The following HOTAIR variants were observed in gnomAD, a reference collection of about 807,000 sequenced individuals.
HOTAIR encodes HOX transcript antisense RNA (non-protein coding).
At chr12:53,964,899 T>C (rs994662081) in intron 5 of HOTAIR, among the ~76,000 whole-genome samples, 1 of 152,204 alleles carries the variant, frequency 6.6e-6, no homozygotes, top group African/African-American at 2.4e-5. Flanking sequence ...TTCCAGGATA[T>C]TTGCTTGGCT....
chr12:53,965,517 G>T (rs539452646), intron 5 of HOTAIR, among the ~76,000 whole-genome samples: 3 of 152,370 alleles, frequency 2.0e-5, no homozygotes, highest in African/African-American at 7.2e-5. Context: ...GGCTGTGAAG[G>T]CCAGTTCAGG....
chr12:53,974,406 C>G (rs895952530), intron 1 of HOTAIR, among the ~76,000 whole-genome samples: 23 of 152,108 alleles, frequency 1.5e-4, no homozygotes, highest in Admixed American at 8.5e-4. Context: ...AGCAATGGAG[C>G]AGAACCTGAG....
At chr12:53,966,945 T>G (rs969804667) in intron 3 of HOTAIR, among the ~76,000 whole-genome samples, 1 of 152,170 alleles carries the variant, frequency 6.6e-6, no homozygotes, top group African/African-American at 2.4e-5. Flanking sequence ...CCTTGATCCT[T>G]TTCCTCCAGG....
At chr12:53,963,466 G>GA (rs1352275715) in exon 7 of HOTAIR, 1 of 152,230 alleles carries the variant, frequency 6.6e-6, no homozygotes, top group Non-Finnish European at 1.5e-5. Flanking sequence ...TTTGCCTATG[G>GA]AAAAATTATT....
intron 1 of HOTAIR, among the ~76,000 whole-genome samples, chr12:53,972,041 G>C (rs962307583): frequency 2.6e-5 from 4 of 152,216 alleles, no homozygotes; most frequent in African/African-American, 7.2e-5. Flanking sequence ...CCTTTCCACT[G>C]TCTGGTTAGT....
At chr12:53,970,381 G>A (rs1939129403) in intron 1 of HOTAIR, among the ~76,000 whole-genome samples, 1 of 152,210 alleles carries the variant, frequency 6.6e-6, no homozygotes, top group African/African-American at 2.4e-5. Flanking sequence ...CTCAGCTGAA[G>A]CGTCCAGGTA....
intron 2 of HOTAIR, among the ~76,000 whole-genome samples, chr12:53,967,832 A>G (rs992566793): frequency 1.9e-4 from 29 of 152,178 alleles, no homozygotes; most frequent in African/African-American, 6.8e-4. Context: ...ATTGGCAGGC[A>G]CTTTGGAGAT....
In HOTAIR at chr12:53,973,614, C is replaced by T; in HGVS notation, n.59+1284G>A. 6.2e-7 allele frequency: 1 copy of T among 1,613,762 alleles called. No homozygotes were observed. ...AAACGAAGGCTCCTACGGCGGCCAC[C>T]ACCACCCCAGCGCCCCGCACGCAAC... On this transcript the variant is annotated intron_variant and non_coding_transcript_variant, in intron 1 of 6. Transcript: ENST00000424518. The surrounding 1 kb of genome is among the most constrained non-coding windows in gnomAD (Gnocchi z 4.3).
rs375478114 is a variant in HOTAIR, at chr12:53,973,545, C to A, written n.59+1353G>T. 2 of 1,613,464 alleles carry A rather than the reference C, an allele frequency of 1.2e-6. No homozygotes were observed. The highest frequency in any genetic ancestry group is 1.7e-6 in the Non-Finnish European group (2 of 1,179,980). ...TGCGGCGGCCGACGAGCTTATGCACCGGGAGTGCCTGCCTCCTTCCACCGT... is the reference window on the plus strand; with the variant it reads ...TGCGGCGGCCGACGAGCTTATGCACAGGGAGTGCCTGCCTCCTTCCACCGT... On this transcript the variant is annotated intron_variant and non_coding_transcript_variant, in intron 1 of 6. Transcript: ENST00000424518. The surrounding 1 kb of genome is among the most constrained non-coding windows in gnomAD (Gnocchi z 4.3).
chr12:53,972,007 C>T (rs1326301032), intron 1 of HOTAIR, among the ~76,000 whole-genome samples: 1 of 152,184 alleles, frequency 6.6e-6, no homozygotes, highest in Non-Finnish European at 1.5e-5. Context: ...CTGGGCCTCC[C>T]CTGATGCCAC....
At chr12:53,969,456 G>C (rs1939113410) in intron 1 of HOTAIR, among the ~76,000 whole-genome samples, 1 of 152,300 alleles carries the variant, frequency 6.6e-6, no homozygotes, top group East Asian at 1.9e-4. Context: ...GCCTGACTTG[G>C]GGACTCAGGC....
chr12:53,973,899 G>C lies in HOTAIR; in HGVS notation n.59+999C>G, dbSNP rs1393638866. ...CGGTTCAGCCCACTCCGTGGCCAAG[G>C]AGCCGGCCAAAGGAGCCGCCCCCAG... On this transcript the variant is annotated intron_variant and non_coding_transcript_variant, in intron 1 of 6. Coordinates refer to ENST00000424518, the Ensembl canonical transcript of HOTAIR. This position sits in a 1 kb window ranked among gnomAD's most constrained non-coding sequence, Gnocchi z 4.3. 3 of 1,447,404 alleles carry C rather than the reference G, an allele frequency of 2.1e-6. No individual in the cohort carries two copies. The highest frequency in any genetic ancestry group is 5.8e-5 in the Admixed American group (2 of 34,530). 89.7% of individuals were successfully genotyped at this position (1,447,404 alleles called of 1,614,324 possible). A position where few individuals can be genotyped will look rare whatever the true frequency, so the allele number is the denominator to read the frequency against.
intron 1 of HOTAIR, chr12:53,974,847 C>A (rs1158973232): frequency 2.0e-5 from 5 of 252,698 alleles, no homozygotes; most frequent in African/African-American, 9.1e-5. Context: ...CCAGGAAGGG[C>A]CCGAGGGCGG....
chr12:53,964,782 T>C (rs1939021048), intron 5 of HOTAIR, among the ~76,000 whole-genome samples: 1 of 152,174 alleles, frequency 6.6e-6, no homozygotes, highest in Non-Finnish European at 1.5e-5. Context: ...CCCTACAAAA[T>C]GGCTATTCCT....
intron 1 of HOTAIR, among the ~76,000 whole-genome samples, chr12:53,970,916 G>C (rs1239838705): frequency 2.0e-5 from 3 of 152,196 alleles, no homozygotes; most frequent in African/African-American, 7.2e-5. Context: ...GCAGAGCCTT[G>C]GGTGGAAGTG....
chr12:53,966,314 A>C (rs1592193253), exon 4 of HOTAIR: 3 of 141,938 alleles, frequency 2.1e-5, no homozygotes, highest in East Asian at 2.0e-4. Flanking sequence ...CCCTCTCTCC[A>C]CTCCCCACTC....
chr12:53,971,491 T>C (rs10783618), intron 1 of HOTAIR, among the ~76,000 whole-genome samples: 78,308 of 152,204 alleles, frequency 0.51, 23,790 homozygotes, highest in East Asian at 0.72. Context: ...CCTCCTTATC[T>C]GGTTTGGGAG....
chr12:53,971,278 G>A (rs1438323191), intron 1 of HOTAIR, among the ~76,000 whole-genome samples: 4 of 152,204 alleles, frequency 2.6e-5, no homozygotes, highest in Admixed American at 6.5e-5. Context: ...AACTAAAGGA[G>A]TAGCGCCCAG....
intron 3 of HOTAIR, among the ~76,000 whole-genome samples, chr12:53,966,781 A>G (rs1939062141): frequency 6.6e-6 from 1 of 152,020 alleles, no homozygotes; most frequent in Non-Finnish European, 1.5e-5. Context: ...TGAGGCAAGA[A>G]TGGAGGGAGA....
Sources: gnomAD v4.1 joint callset for allele counts (sites outside exome capture counted in the v4.1 genomes callset) on GRCh38, gnomAD v4.1.1 for gene constraint, Gnocchi (gnomAD v3.1) non-coding constraint, MANE v1.5 for transcripts, NCBI Gene and HGNC (gene_info 2026-07-23, HGNC 2026-07-21) for gene names.